Variants in DIP2C observed in about 807,000 individuals in gnomAD.
DIP2C encodes the protein disco-interacting protein 2 homolog C.
DIP2C carries 33 observed loss-of-function variants against 192.4 expected under a neutral mutation model. The observed-to-expected ratio is 0.17, with a 90% CI of 0.13 to 0.23. DIP2C has a LOEUF of 0.23. Ranked by LOEUF, DIP2C falls within the 10% of genes least tolerant of loss-of-function variation. The pLI is 1.00. For missense variants in DIP2C, 1,537 were observed against 2,110.1 expected (o/e 0.73, Z 5.32); for synonymous variants, 979 against 864.1 (o/e 1.13, Z -2.33).
intron 1 of DIP2C, chr10:650,921 A>C (rs1855845367): frequency 1.4e-6 from 1 of 716,692 alleles, no homozygotes; most frequent in Non-Finnish European, 2.6e-6. Flanking sequence ...GGGTGTGTCC[A>C]TGCAGGACCC....
intron 1 of DIP2C, among the ~76,000 whole-genome samples, chr10:554,664 G>A (rs988297480): frequency 1.3e-5 from 2 of 152,222 alleles, no homozygotes; most frequent in Non-Finnish European, 2.9e-5. Flanking sequence ...CAAGGCTGCC[G>A]TGGAGTCCTA....
chr10:481,099 G>C (rs1379104304), intron 2 of DIP2C, among the ~76,000 whole-genome samples: 2 of 152,064 alleles, frequency 1.3e-5, no homozygotes, highest in Non-Finnish European at 2.9e-5. Context: ...GGGGTCACCA[G>C]ACTGTAACTC....
chr10:659,139 T>C (rs974225314), intron 1 of DIP2C, among the ~76,000 whole-genome samples: 1 of 152,184 alleles, frequency 6.6e-6, no homozygotes, highest in Admixed American at 6.5e-5. Context: ...CACACAAACA[T>C]ATGTAAATGC....
At position 398,986 on chromosome 10, in the gene DIP2C, C is replaced by CGAGGCAACCG. The variant is rs1190304995; in HGVS notation, c.1260+113_1260+122dup. 4 of 772,726 alleles carry CGAGGCAACCG rather than the reference C, an allele frequency of 5.2e-6. No individual in the cohort carries two copies. The African/African-American group carries it at 6.9e-5, about 13-fold the overall frequency. The allele number at this position is 772,726 out of a possible 1,614,324, so 47.9% of individuals were successfully genotyped here. A position where few individuals can be genotyped will look rare whatever the true frequency, so the allele number is the denominator to read the frequency against. ...GCCCACTAGCGACCGCATCCCTTAT[C>CGAGGCAACCG]GAGGCAACCGAAGGAAACCCAGGGC... On this transcript the variant is annotated intron_variant, in intron 10 of 36. Transcript: ENST00000280886.
intron 17 of DIP2C, among the ~76,000 whole-genome samples, chr10:371,142 CCACCATCCCCTCACCCTG>C (rs60711130): frequency 0.39 from 58,201 of 148,224 alleles, 12,242 homozygotes; most frequent in Non-Finnish European, 0.48. Context: ...AGTGGTCCTG[CCACCATCCCCTCACCCTG>C]CACCATCCCC....
At chr10:383,816 T>C (rs922578219) in intron 16 of DIP2C, among the ~76,000 whole-genome samples, 4 of 152,168 alleles carry the variant, frequency 2.6e-5, no homozygotes, top group African/African-American at 9.7e-5. Flanking sequence ...TATGCCATCG[T>C]ACCTCTTGGC....
Position 362,484 on chromosome 10 carries a change from A to C in DIP2C, c.2794+6T>G. On this transcript the variant is annotated splice_donor_region_variant and intron_variant, in intron 22 of 36. Transcript: ENST00000280886. Reference sequence around the variant, plus strand: ...ACCTCACAAGCTGCCCAAGTGGTGCACATACCTGGCTGCTTCTGTCGAGGC... The same window carrying C: ...ACCTCACAAGCTGCCCAAGTGGTGCCCATACCTGGCTGCTTCTGTCGAGGC... The C allele has an allele frequency of 6.2e-7, 1 of 1,613,132 alleles. No homozygotes were observed. The highest frequency in any genetic ancestry group is 8.5e-7 in the Non-Finnish European group (1 of 1,179,710).
At chr10:496,131 C>CA (rs1844814382) in intron 1 of DIP2C, among the ~76,000 whole-genome samples, 4 of 125,484 alleles carry the variant, frequency 3.2e-5, no homozygotes, top group African/African-American at 9.3e-5. Context: ...ACATTACTCT[C>CA]AATACCCCAA....
intron 1 of DIP2C, among the ~76,000 whole-genome samples, chr10:613,873 G>A: frequency 6.6e-6 from 1 of 151,804 alleles, no homozygotes; most frequent in East Asian, 1.9e-4. Flanking sequence ...TCCTGATCTC[G>A]GCCATCTGAT....
At chr10:515,258 G>A (rs926888672) in intron 1 of DIP2C, among the ~76,000 whole-genome samples, 1 of 152,172 alleles carries the variant, frequency 6.6e-6, no homozygotes, top group Non-Finnish European at 1.5e-5. Flanking sequence ...AACCATAAAT[G>A]GATATAAAAT....
rs550400528 is a variant in DIP2C, at chr10:427,577, G to A, written c.395-4544C>T. On this transcript the variant is annotated intron_variant, in intron 4 of 36. Coordinates refer to ENST00000280886, the MANE Select transcript of DIP2C (RefSeq NM_014974.3). ...TGACAACCAACCCATTTTAAAACATGGGCAAAAAATCTGGACATTTTACCA... is the reference window on the plus strand; with the variant it reads ...TGACAACCAACCCATTTTAAAACATAGGCAAAAAATCTGGACATTTTACCA... 4.0e-4 allele frequency among the ~76,000 whole-genome samples: 20 copies of A among 49,566 alleles called. No homozygotes were observed. The East Asian group carries it at 0.012, about 29-fold the overall frequency. 32.5% of individuals were successfully genotyped at this position (49,566 alleles called of 152,430 possible). A position where few individuals can be genotyped will look rare whatever the true frequency, so the allele number is the denominator to read the frequency against.
chr10:583,797 CAA>C (rs765914773), intron 1 of DIP2C, among the ~76,000 whole-genome samples: 1 of 152,192 alleles, frequency 6.6e-6, no homozygotes, highest in Non-Finnish European at 1.5e-5. Flanking sequence ...CGCTCCAAAA[CAA>C]AAACACACCA....
chr10:277,662 C>A, intron 36 of DIP2C, 85 bp from the exon 37 acceptor site: 1 of 1,540,828 alleles, frequency 6.5e-7, no homozygotes, highest in East Asian at 2.4e-5. Flanking sequence ...ACTTGGCTCT[C>A]TCTGACCTGC....
rs775433046 is a variant in DIP2C at position 277,490 on chromosome 10, C to T, written c.4506G>A (p.Val1502=). Residue 1502 remains valine, a synonymous_variant, in exon 37 of 37, where the codon GTG becomes GTA. Transcript: ENST00000280886. ...AGTGCTCCTCCAGGACCACGTTGGTCACCAAGGGAACCAGGTCCAAGGCTT... is the reference window on the plus strand; with the variant it reads ...AGTGCTCCTCCAGGACCACGTTGGTTACCAAGGGAACCAGGTCCAAGGCTT... ...EQEALDLVPL[V]TNVVLEEHYL... 6.2e-7 allele frequency: 1 copy of T among 1,614,198 alleles called. No homozygotes were observed. Among genetic ancestry groups the T allele is most frequent in the East Asian group, 2.2e-5 (1 of 44,888 alleles).
At chr10:579,278 A>G (rs1850408561) in intron 1 of DIP2C, among the ~76,000 whole-genome samples, 1 of 152,120 alleles carries the variant, frequency 6.6e-6, no homozygotes, top group African/African-American at 2.4e-5. Flanking sequence ...CAGCATACAC[A>G]CATCCAGATT....
intron 1 of DIP2C, among the ~76,000 whole-genome samples, chr10:518,848 C>T (rs1322580054): frequency 6.6e-6 from 1 of 152,232 alleles, no homozygotes; most frequent in Non-Finnish European, 1.5e-5. Flanking sequence ...ACAGATCCCA[C>T]CTCCAGCAGT....
chr10:467,563 T>G (rs1970318793), intron 3 of DIP2C, among the ~76,000 whole-genome samples: 2 of 64,398 alleles, frequency 3.1e-5, no homozygotes, highest in Non-Finnish European at 3.8e-5. Context: ...ATTATTTAAG[T>G]GTAAAAAAAA....
At chr10:559,003 G>A (rs574051872) in intron 1 of DIP2C, among the ~76,000 whole-genome samples, 1 of 152,010 alleles carries the variant, frequency 6.6e-6, no homozygotes, top group East Asian at 1.9e-4. Context: ...AGGTCGTGGG[G>A]CCAAGGAGTG....
chr10:376,079 C>T (rs917864291), intron 17 of DIP2C, among the ~76,000 whole-genome samples: 10 of 152,202 alleles, frequency 6.6e-5, no homozygotes, highest in African/African-American at 1.4e-4. Flanking sequence ...ATGTACCAGG[C>T]GTGCTTTCAA....
Sources: allele counts gnomAD v4.1 joint callset (sites outside exome capture counted in the v4.1 genomes callset), GRCh38; gene constraint gnomAD v4.1.1; transcripts MANE v1.5; gene names NCBI Gene and HGNC (gene_info 2026-07-23, HGNC 2026-07-21).